The following CEP128 variants were observed in gnomAD, a reference collection of about 807,000 sequenced individuals.
The protein encoded by CEP128 is centrosomal protein 128kDa.
In CEP128, 132 loss-of-function variants were observed where a neutral mutation model predicts 156.7. The ratio of observed to expected loss-of-function variants is 0.84; its 90% CI spans 0.73 to 0.97. CEP128 has a LOEUF of 0.97. Among genes scored for constraint, CEP128 ranks in the 50% least tolerant of loss-of-function variants. CEP128 has a pLI of 0.00. For missense variants in CEP128, 1,252 were observed against 1,281.9 expected, an observed-to-expected ratio of 0.98 and a Z score of 0.36; for synonymous variants, 469 against 448.9, an observed-to-expected ratio of 1.04 and a Z score of -0.57.
At chr14:80,941,161 T>C (rs1463391780) in intron 1 of CEP128, among the ~76,000 whole-genome samples, 1 of 152,164 alleles carries the variant, frequency 6.6e-6, no homozygotes, top group Non-Finnish European at 1.5e-5. Context: ...GCACGCTTTC[T>C]GTGACTACAA....
chr14:80,617,442 A>C (rs1449124789), intron 19 of CEP128, among the ~76,000 whole-genome samples: 2 of 151,786 alleles, frequency 1.3e-5, no homozygotes, highest in Admixed American at 6.6e-5. Context: ...TCACCATCTT[A>C]GCCAGAATGG....
intron 8 of CEP128, among the ~76,000 whole-genome samples, chr14:80,864,521 T>C (rs1387960995): frequency 6.6e-6 from 1 of 152,076 alleles, no homozygotes; most frequent in Non-Finnish European, 1.5e-5. Context: ...CTAATACATA[T>C]GATGATACAG....
chr14:80,901,099 G>A (rs919503878), intron 6 of CEP128, among the ~76,000 whole-genome samples: 2 of 151,874 alleles, frequency 1.3e-5, no homozygotes, highest in Admixed American at 6.6e-5. Flanking sequence ...CCAGCTACTC[G>A]GGAGGCTGAG....
intron 19 of CEP128, among the ~76,000 whole-genome samples, chr14:80,591,875 T>C (rs1420829627): frequency 6.6e-6 from 1 of 152,190 alleles, no homozygotes; most frequent in African/African-American, 2.4e-5. Flanking sequence ...TACAACTACA[T>C]GGAAACTAAA....
chr14:80,486,525 A>T (rs1030116469), downstream of CEP128, among the ~76,000 whole-genome samples: 9 of 151,764 alleles, frequency 5.9e-5, no homozygotes, highest in Non-Finnish European at 1.3e-4. Context: ...AGAACGCCCC[A>T]AAGATACTTC....
chr14:80,590,798 C>G (rs542830039), intron 19 of CEP128, among the ~76,000 whole-genome samples: 1 of 152,208 alleles, frequency 6.6e-6, no homozygotes, highest in East Asian at 1.9e-4. Context: ...TTAAGACTAA[C>G]AGCGGATCTC....
At chr14:80,531,831 C>T (rs1889239133) in intron 21 of CEP128, among the ~76,000 whole-genome samples, 1 of 152,104 alleles carries the variant, frequency 6.6e-6, no homozygotes, top group Non-Finnish European at 1.5e-5. Context: ...CTACTTCTCC[C>T]CTGTGAAAGG....
intron 19 of CEP128, among the ~76,000 whole-genome samples, chr14:80,731,331 C>A (rs1412239662): frequency 1.3e-5 from 2 of 152,192 alleles, no homozygotes; most frequent in African/African-American, 4.8e-5. Flanking sequence ...CCACTTCCCT[C>A]CCAGCCTAAG....
intron 9 of CEP128, among the ~76,000 whole-genome samples, chr14:80,850,719 T>C (rs1349999796): frequency 1.3e-5 from 2 of 152,164 alleles, no homozygotes; most frequent in Admixed American, 6.5e-5. Context: ...TCTTCATAAA[T>C]CCATAATTAA....
At chr14:80,957,467 A>T (rs200303472) in intron 2 of CEP128, among the ~76,000 whole-genome samples, 2 of 38,610 alleles carry the variant, frequency 5.2e-5, no homozygotes, top group African/African-American at 5.7e-4. Context: ...CAGAAAAAAC[A>T]AAAAAAAAAA....
chr14:80,713,243 T>C (rs1897478341), intron 19 of CEP128, among the ~76,000 whole-genome samples: 1 of 152,198 alleles, frequency 6.6e-6, no homozygotes, highest in Non-Finnish European at 1.5e-5. Context: ...CTCTTTATAA[T>C]CTAATACCAG....
intron 9 of CEP128, among the ~76,000 whole-genome samples, chr14:80,861,203 AATAG>A (rs1181232469): frequency 6.6e-6 from 1 of 152,064 alleles, no homozygotes; most frequent in Non-Finnish European, 1.5e-5. Flanking sequence ...ATGAGTCAAT[AATAG>A]ATGCTAAAAT....
intron 19 of CEP128, among the ~76,000 whole-genome samples, chr14:80,656,045 A>G (rs535058639): frequency 1.3e-5 from 2 of 151,768 alleles, no homozygotes; most frequent in Non-Finnish European, 2.9e-5. Context: ...TCCATGTTGC[A>G]TATTGTTGCT....
chr14:80,568,363 C>T (rs746646613), intron 20 of CEP128, among the ~76,000 whole-genome samples: 1 of 152,176 alleles, frequency 6.6e-6, no homozygotes, highest in South Asian at 2.1e-4. Flanking sequence ...TTAAATGCTA[C>T]AAGTAAATAG....
At chr14:80,789,186 G>A (rs910645552) in intron 14 of CEP128, among the ~76,000 whole-genome samples, 1 of 152,110 alleles carries the variant, frequency 6.6e-6, no homozygotes, top group African/African-American at 2.4e-5. Context: ...CATCAAAGTA[G>A]CTTTCAATGA....
intron 4 of CEP128, among the ~76,000 whole-genome samples, chr14:80,908,780 T>C (rs1373973132): frequency 1.3e-5 from 2 of 152,240 alleles, no homozygotes; most frequent in Admixed American, 1.3e-4. Flanking sequence ...CAGAAAAATC[T>C]GGTTCTGCTT....
chr14:80,536,284 GA>G (rs1006498760), intron 21 of CEP128, among the ~76,000 whole-genome samples: 13 of 151,558 alleles, frequency 8.6e-5, no homozygotes, highest in African/African-American at 2.9e-4. Context: ...ACTGCTCTTT[GA>G]AAAAAAATGC....
intron 8 of CEP128, among the ~76,000 whole-genome samples, chr14:80,870,809 C>T (rs747816051): frequency 3.3e-5 from 5 of 151,176 alleles, no homozygotes; most frequent in African/African-American, 4.9e-5. Flanking sequence ...TCAAATTGTC[C>T]CTGTTTTCAG....
At chr14:80,721,595 CTTT>C (rs1040022662) in intron 19 of CEP128, among the ~76,000 whole-genome samples, 2 of 151,794 alleles carry the variant, frequency 1.3e-5, no homozygotes, top group Non-Finnish European at 2.9e-5. Flanking sequence ...TTCTTTTTAC[CTTT>C]TTAATATTTT....
Sources: allele counts gnomAD v4.1 joint callset (sites outside exome capture counted in the v4.1 genomes callset), GRCh38; gene constraint gnomAD v4.1.1; transcripts MANE v1.5; gene names NCBI Gene and HGNC (gene_info 2026-07-23, HGNC 2026-07-21).